Variants in NEMP2 observed in about 807,000 individuals in gnomAD.
The protein encoded by NEMP2 is UPF0571 transmembrane protein.
A neutral mutation model predicts 54.2 loss-of-function variants in NEMP2; 53 were observed. The ratio of observed to expected loss-of-function variants is 0.98; its 90% confidence interval spans 0.78 to 1.23. The LOEUF is 1.23. Ranked by LOEUF, NEMP2 falls within the 50% of genes most tolerant of loss-of-function variation. The pLI is 0.00. For synonymous variants in NEMP2, 197 were observed against 190.3 expected (o/e 1.04, Z -0.29); for missense variants, 455 against 511.3 (o/e 0.89, Z 1.06).
the NEMP2 span, among the ~76,000 whole-genome samples, chr2:190,556,880 C>A: frequency 6.6e-6 from 1 of 152,108 alleles, no homozygotes; most frequent in Admixed American, 6.5e-5. Context: ...AAATCAATAT[C>A]ATGAAAATGG....
chr2:190,446,854 A>C, the NEMP2 span, among the ~76,000 whole-genome samples: 1 of 152,172 alleles, frequency 6.6e-6, no homozygotes, highest in Non-Finnish European at 1.5e-5. Flanking sequence ...GAGCCATCTA[A>C]GACTGTACTG....
In NEMP2 at chr2:190,506,475, T is replaced by G. The variant is rs570149290; in HGVS notation, c.*2714A>C. The G allele has an allele frequency of 1.3e-5, 2 of 152,336 alleles. No homozygotes were observed. The highest frequency in any genetic ancestry group is 4.1e-4 in the South Asian group (2 of 4,824). 9.4% of individuals were successfully genotyped at this position (152,336 alleles called of 1,614,324 possible). A position where few individuals can be genotyped will look rare whatever the true frequency, so the allele number is the denominator to read the frequency against. ...TAATTCCTCCACATATTTAGATATTTTTATGTAATCCATCATCTATTCCAA... is the reference window on the plus strand; with the variant it reads ...TAATTCCTCCACATATTTAGATATTGTTATGTAATCCATCATCTATTCCAA... On this transcript the variant is annotated 3_prime_UTR_variant, in exon 9 of 9. Coordinates refer to ENST00000409150, the MANE Select transcript of NEMP2 (RefSeq NM_001142645.2). The surrounding 1 kb of genome is among the most constrained non-coding windows in gnomAD (Gnocchi z 6.3).
At chr2:190,642,514 A>G in the NEMP2 span, among the ~76,000 whole-genome samples, 1 of 152,264 alleles carries the variant, frequency 6.6e-6, no homozygotes, top group South Asian at 2.1e-4. This position sits in a 1 kb window ranked among gnomAD's most constrained non-coding sequence, Gnocchi z 4.1. Context: ...ATATATTCCT[A>G]TTAACTTGTC....
the NEMP2 span, chr2:190,436,365 C>A: frequency 5.6e-6 from 9 of 1,614,112 alleles, no homozygotes; most frequent in Non-Finnish European, 6.8e-6. The surrounding 1 kb of genome is among the most constrained non-coding windows in gnomAD (Gnocchi z 5.3). Flanking sequence ...TTCGTTACTT[C>A]ATTGAATTCT....
the NEMP2 span, among the ~76,000 whole-genome samples, chr2:190,434,775 A>T: frequency 1.3e-5 from 2 of 152,254 alleles, no homozygotes; most frequent in East Asian, 1.9e-4. The surrounding 1 kb of genome is among the most constrained non-coding windows in gnomAD (Gnocchi z 4.3). Context: ...CTTATCTAAA[A>T]TGTGTTATTT....
chr2:190,529,759 G>A lies in NEMP2; in HGVS notation c.98-4381C>T, dbSNP rs1574316659. On this transcript the variant is annotated intron_variant, in intron 1 of 8. Coordinates refer to ENST00000409150, the MANE Select transcript of NEMP2 (RefSeq NM_001142645.2). This position sits in a 1 kb window ranked among gnomAD's most constrained non-coding sequence, Gnocchi z 4.7. ...TCCAGCCAATCTTTGTAAGAGCCTG[G>A]CCAGGAATAGTCAGCACCGTAAAAG... Among the ~76,000 whole-genome samples the A allele has an allele frequency of 6.6e-6, 1 of 152,260 alleles. No homozygotes were observed. The highest frequency in any genetic ancestry group is 1.9e-4 in the East Asian group (1 of 5,180).
the NEMP2 span, among the ~76,000 whole-genome samples, chr2:190,440,007 G>A: frequency 6.6e-6 from 1 of 152,196 alleles, no homozygotes; most frequent in Non-Finnish European, 1.5e-5. Context: ...GAAGAGAAAT[G>A]ATCTCTGAAT....
chr2:190,460,045 C>G, the NEMP2 span, among the ~76,000 whole-genome samples: 2 of 152,232 alleles, frequency 1.3e-5, no homozygotes, highest in Admixed American at 1.3e-4. Flanking sequence ...GGGACTACCA[C>G]TGACTCTGAG....
At chr2:190,428,395 G>A in the NEMP2 span, among the ~76,000 whole-genome samples, 5 of 152,130 alleles carry the variant, frequency 3.3e-5, no homozygotes, top group Non-Finnish European at 7.3e-5. Context: ...TTAAAGTAGT[G>A]TATCAATTTA....
chr2:190,426,555 G>C, the NEMP2 span, among the ~76,000 whole-genome samples: 1 of 152,132 alleles, frequency 6.6e-6, no homozygotes, highest in East Asian at 1.9e-4. This position sits in a 1 kb window ranked among gnomAD's most constrained non-coding sequence, Gnocchi z 4.7. Context: ...GTGGGGATTG[G>C]GCTTCTGCTG....
chr2:190,619,803 A>T, the NEMP2 span, among the ~76,000 whole-genome samples: 3 of 152,302 alleles, frequency 2.0e-5, no homozygotes, highest in East Asian at 5.8e-4. The surrounding 1 kb of genome is among the most constrained non-coding windows in gnomAD (Gnocchi z 5.5). Flanking sequence ...AAGTGCCAAA[A>T]GTTGAGAGTG....
chr2:190,438,557 T>TAGAAGAA, the NEMP2 span, among the ~76,000 whole-genome samples: 4 of 152,208 alleles, frequency 2.6e-5, no homozygotes, highest in Admixed American at 2.6e-4. This position sits in a 1 kb window ranked among gnomAD's most constrained non-coding sequence, Gnocchi z 5.2. Context: ...TTTCTTGTTG[T>TAGAAGAA]GTACTATTTC....
In NEMP2 at chr2:190,527,399, C is replaced by T. The variant is rs1429973272; in HGVS notation, c.98-2021G>A. On this transcript the variant is annotated intron_variant, in intron 1 of 8. Transcript: ENST00000409150. This position sits in a 1 kb window ranked among gnomAD's most constrained non-coding sequence, Gnocchi z 4.0. ...GGGGAAAGGATCCTGGGAATGCTCG[C>T]CATCTCCCAGAACACAACTCCATAA... Among the ~76,000 whole-genome samples, 1 of 152,104 alleles carries T rather than the reference C, an allele frequency of 6.6e-6. No homozygotes were observed. Among genetic ancestry groups the T allele is most frequent in the Non-Finnish European group, 1.5e-5 (1 of 68,018 alleles).
At chr2:190,621,064 T>G in the NEMP2 span, among the ~76,000 whole-genome samples, 1 of 152,186 alleles carries the variant, frequency 6.6e-6, no homozygotes, top group Non-Finnish European at 1.5e-5. Context: ...ATCTAAAAGA[T>G]CTACACCAAC....
chr2:190,585,089 G>A, the NEMP2 span, among the ~76,000 whole-genome samples: 1 of 152,160 alleles, frequency 6.6e-6, no homozygotes, highest in African/African-American at 2.4e-5. This position sits in a 1 kb window ranked among gnomAD's most constrained non-coding sequence, Gnocchi z 5.3. Context: ...GGCACTGCAG[G>A]ACATTTTAAA....
the NEMP2 span, among the ~76,000 whole-genome samples, chr2:190,438,945 TTC>T: frequency 6.6e-6 from 1 of 152,190 alleles, no homozygotes; most frequent in Non-Finnish European, 1.5e-5. The surrounding 1 kb of genome is among the most constrained non-coding windows in gnomAD (Gnocchi z 5.2). Flanking sequence ...TTCCTTCCCT[TTC>T]TCAGATCTTC....
At chr2:190,613,596 A>T in the NEMP2 span, among the ~76,000 whole-genome samples, 1 of 150,890 alleles carries the variant, frequency 6.6e-6, no homozygotes, top group Non-Finnish European at 1.5e-5. Context: ...CCAATAATTT[A>T]TTTTTTTTTG....
the NEMP2 span, among the ~76,000 whole-genome samples, chr2:190,630,406 C>T: frequency 2.0e-5 from 3 of 152,062 alleles, no homozygotes; most frequent in East Asian, 1.9e-4. The surrounding 1 kb of genome is among the most constrained non-coding windows in gnomAD (Gnocchi z 5.5). Flanking sequence ...TTAGTAGAGA[C>T]GGGGTTTCAC....
At chr2:190,468,287 C>G in the NEMP2 span, among the ~76,000 whole-genome samples, 1 of 152,152 alleles carries the variant, frequency 6.6e-6, no homozygotes, top group Non-Finnish European at 1.5e-5. Flanking sequence ...TGCTAAATCC[C>G]TCTAATATCT....
Sources: allele counts gnomAD v4.1 joint callset (sites outside exome capture counted in the v4.1 genomes callset), GRCh38; gene constraint gnomAD v4.1.1; non-coding constraint Gnocchi (gnomAD v3.1); transcripts MANE v1.5; gene names NCBI Gene and HGNC (gene_info 2026-07-23, HGNC 2026-07-21).